The following IL17D variants were observed in gnomAD, a reference collection of about 807,000 sequenced individuals.
IL17D encodes interleukin-17D.
In IL17D, 10 loss-of-function variants were observed where a neutral mutation model predicts 5.7. That is an observed-to-expected ratio of 1.75 (90% CI 1.08 to 2.97). IL17D has a LOEUF of 2.97. Ranked by LOEUF, IL17D falls within the 30% of genes most tolerant of loss-of-function variation. IL17D has a pLI of 0.00. For synonymous variants in IL17D, 172 were observed against 141.7 expected (o/e 1.21, Z -1.52); for missense variants, 354 against 292.7 (o/e 1.21, Z -1.53).
At chr13:20,703,317 A>G, upstream of IL17D, 1 of 986,258 alleles carries the variant, frequency 1.0e-6, no homozygotes, top group Non-Finnish European at 1.2e-6. Flanking sequence ...TGTTGGGGGC[A>G]CTGGTGAGTA....
At chr13:20,710,561 G>A (rs1268282214) in intron 1 of IL17D, among the ~76,000 whole-genome samples, 7 of 149,026 alleles carry the variant, frequency 4.7e-5, no homozygotes, top group Non-Finnish European at 7.4e-5. Flanking sequence ...CCTGGGAGGC[G>A]GAGGTTGCGG....
In IL17D at chr13:20,722,136, G is replaced by A. The variant is rs1249245568; in HGVS notation, c.*182G>A. 2 of 564,832 alleles carry A rather than the reference G, an allele frequency of 3.5e-6. No individual in the cohort carries two copies. The highest frequency in any genetic ancestry group is 2.0e-5 in the African/African-American group (1 of 50,434). 35.0% of individuals were successfully genotyped at this position (564,832 alleles called of 1,614,324 possible). ...GCTTCATCTGACACGGGCATCCCTG[G>A]CTTGCTTTTAGCTACAAGCAAGCAG... On this transcript the variant is annotated 3_prime_UTR_variant, in exon 2 of 2. Coordinates refer to ENST00000682841, the MANE Select transcript of IL17D (RefSeq NM_001385224.1).
Position 20,704,180 on chromosome 13 carries a change from T to C in IL17D, c.179T>C (p.Leu60Pro), listed in dbSNP as rs1594994465. 4 of 1,370,568 alleles carry C rather than the reference T, an allele frequency of 2.9e-6. No individual in the cohort carries two copies. Among genetic ancestry groups the C allele is most frequent in the Non-Finnish European group, 3.8e-6 (4 of 1,055,686 alleles). The allele number at this position is 1,370,568 out of a possible 1,614,324, so 84.9% of individuals were successfully genotyped here. Reference sequence around the variant, plus strand: ...AGTGCCTTCCACCACACGCTGCAGCTGGGGCCGCGTGAGCAGGCGCGCAAC... The same window carrying C: ...AGTGCCTTCCACCACACGCTGCAGCCGGGGCCGCGTGAGCAGGCGCGCAAC... ...VLSAFHHTLQ[L>P]GPREQARNAS... The change falls in exon 1 of 2, where the codon CTG becomes CCG. Residue 60 changes from leucine (L) to proline (P), a missense_variant. Leu to Pro is a moderately conservative substitution (Grantham distance 98, BLOSUM62 -3). Coordinates refer to ENST00000682841, the MANE Select transcript of IL17D (RefSeq NM_001385224.1).
At chr13:20,707,440 CAAAAAAAAAA>C (rs57118714) in intron 1 of IL17D, among the ~76,000 whole-genome samples, 9 of 75,832 alleles carry the variant, frequency 1.2e-4, no homozygotes, top group Non-Finnish European at 1.9e-4. Flanking sequence ...GAACTTGTCT[CAAAAAAAAAA>C]AAAAAAAAAA....
At chr13:20,702,790 T>C (rs1387409808), upstream of IL17D, 2 of 152,136 alleles carry the variant, frequency 1.3e-5, no homozygotes, top group Admixed American at 6.5e-5. Flanking sequence ...AGTTGTTGGA[T>C]AGAGGCACAG....
At position 20,707,851 on chromosome 13, in the gene IL17D, G is replaced by C. The variant is rs189911505; in HGVS notation, c.290+3560G>C. Among the ~76,000 whole-genome samples, 159 of 152,276 alleles carry C rather than the reference G, an allele frequency of 1.0e-3. 5 individuals carry two copies. Among genetic ancestry groups the C allele is most frequent in the Middle Eastern group, 6.8e-3 (2 of 294 alleles). On this transcript the variant is annotated intron_variant, in intron 1 of 1. Transcript: ENST00000682841. ...GGGCTTGTTCCTTGGTGGAGTGTCT[G>C]AGGGTGGGGCCTGGGTAGAGGAGTG... is the stretch of plus-strand genomic sequence containing the variant.
rs183537572 is a variant in IL17D, at chr13:20,709,468, A to C, written c.290+5177A>C. Among the ~76,000 whole-genome samples, 8 of 152,352 alleles carry C rather than the reference A, an allele frequency of 5.3e-5. No individual in the cohort carries two copies. The East Asian group carries it at 1.5e-3, about 29-fold the overall frequency. ...GAAGAATGAGGCAGCTCTAAAAGTCATAAGTGGATCAATCACTCACCAATA... is the reference window on the plus strand; with the variant it reads ...GAAGAATGAGGCAGCTCTAAAAGTCCTAAGTGGATCAATCACTCACCAATA... On this transcript the variant is annotated intron_variant, in intron 1 of 1. Coordinates refer to ENST00000682841, the MANE Select transcript of IL17D (RefSeq NM_001385224.1).
upstream of IL17D, chr13:20,703,431 G>C (rs1455707811): frequency 2.0e-6 from 2 of 985,784 alleles, no homozygotes; most frequent in East Asian, 2.3e-4. Flanking sequence ...CGGCTTCTCG[G>C]TCCGAGTCCC....
At chr13:20,707,440 CAAAAAAAA>C (rs57118714) in intron 1 of IL17D, among the ~76,000 whole-genome samples, 13 of 75,842 alleles carry the variant, frequency 1.7e-4, no homozygotes, top group Admixed American at 5.0e-4. Flanking sequence ...GAACTTGTCT[CAAAAAAAA>C]AAAAAAAAAA....
At chr13:20,721,005 A>G (rs1485052169) in intron 1 of IL17D, among the ~76,000 whole-genome samples, 7 of 151,810 alleles carry the variant, frequency 4.6e-5, no homozygotes, top group African/African-American at 7.3e-5. Flanking sequence ...AGTCCCTCAG[A>G]CACAAACGGA....
intron 1 of IL17D, among the ~76,000 whole-genome samples, chr13:20,706,818 A>C (rs892765009): frequency 1.3e-5 from 2 of 152,198 alleles, no homozygotes; most frequent in African/African-American, 4.8e-5. Flanking sequence ...AATGACACAC[A>C]GGGTTCGGGG....
chr13:20,706,547 G>A (rs751807917), intron 1 of IL17D, among the ~76,000 whole-genome samples: 6 of 152,266 alleles, frequency 3.9e-5, no homozygotes, highest in Non-Finnish European at 8.8e-5. Context: ...TGAGCAAAAT[G>A]AGAAAATACA....
chr13:20,708,433 G>T (rs1050129053), intron 1 of IL17D, among the ~76,000 whole-genome samples: 5 of 152,092 alleles, frequency 3.3e-5, no homozygotes, highest in African/African-American at 1.2e-4. Flanking sequence ...AATTCCAGAT[G>T]AATCAAACAT....
intron 1 of IL17D, among the ~76,000 whole-genome samples, chr13:20,710,810 C>T (rs2058630654): frequency 6.6e-6 from 1 of 152,082 alleles, no homozygotes; most frequent in Admixed American, 6.6e-5. Context: ...TCTTCTTTAA[C>T]TCCTTTCCTC....
intron 1 of IL17D, 127 bp from the exon 2 acceptor site, chr13:20,721,509 C>G: frequency 2.8e-6 from 2 of 717,956 alleles, no homozygotes; most frequent in Non-Finnish European, 4.4e-6. Context: ...GGGCCTCGCA[C>G]GCACGCGCCC....
At chr13:20,702,378 G>T (rs1208378436), upstream of IL17D, 2 of 152,128 alleles carry the variant, frequency 1.3e-5, no homozygotes, top group African/African-American at 2.4e-5. Context: ...TTAACTAATG[G>T]TTTACAATTC....
At chr13:20,708,563 G>A (rs2058608020) in intron 1 of IL17D, among the ~76,000 whole-genome samples, 1 of 152,142 alleles carries the variant, frequency 6.6e-6, no homozygotes, top group Non-Finnish European at 1.5e-5. Flanking sequence ...AGACAAGATT[G>A]AGAAATGAAG....
intron 1 of IL17D, among the ~76,000 whole-genome samples, chr13:20,718,026 G>A (rs1489537190): frequency 6.6e-6 from 1 of 152,056 alleles, no homozygotes; most frequent in East Asian, 1.9e-4. Flanking sequence ...CCCAGGTGAC[G>A]AGAACTCAGA....
chr13:20,717,350 C>T (rs2141394607), intron 1 of IL17D: 2 of 152,252 alleles, frequency 1.3e-5, no homozygotes, highest in East Asian at 3.8e-4. Flanking sequence ...GAACTCTGCT[C>T]GGTTGCTTGT....
Sources: allele counts gnomAD v4.1 joint callset (sites outside exome capture counted in the v4.1 genomes callset), GRCh38; gene constraint gnomAD v4.1.1; transcripts MANE v1.5; gene names NCBI Gene and HGNC (gene_info 2026-07-23, HGNC 2026-07-21).